C12orf42: variants seen among roughly 807,000 people sequenced by gnomAD.
The protein encoded by C12orf42 is chromosome 12 open reading frame 42, also known as uncharacterized protein C12orf42.
In C12orf42, 25 loss-of-function variants were observed where a neutral mutation model predicts 21.6. The observed-to-expected ratio is 1.16, with a 90% CI of 0.84 to 1.62. The LOEUF is 1.62. C12orf42 is among the 40% of genes most tolerant of loss of function. The pLI is 0.00. For synonymous variants in C12orf42, 174 were observed against 175.0 expected (o/e 0.99, Z 0.05); for missense variants, 483 against 459.3 (o/e 1.05, Z -0.47).
intron 4 of C12orf42, among the ~76,000 whole-genome samples, chr12:103,286,005 G>T (rs563786287): frequency 3.0e-4 from 45 of 152,134 alleles, no homozygotes; most frequent in Admixed American, 8.5e-4. Flanking sequence ...CAGCACTTTG[G>T]GGGGGTGCCA....
the C12orf42 span, among the ~76,000 whole-genome samples, chr12:103,112,718 A>G: frequency 6.6e-6 from 1 of 152,196 alleles, no homozygotes; most frequent in Non-Finnish European, 1.5e-5. Context: ...TGCTAGATGA[A>G]ATACAAACTA....
chr12:103,416,613 T>C (rs1354165916), intron 2 of C12orf42, among the ~76,000 whole-genome samples: 1 of 136,148 alleles, frequency 7.3e-6, no homozygotes, highest in Non-Finnish European at 1.6e-5. Flanking sequence ...CATTTATTAC[T>C]ATATGCAAGA....
At chr12:103,071,934 A>G in the C12orf42 span, among the ~76,000 whole-genome samples, 6 of 152,170 alleles carry the variant, frequency 3.9e-5, no homozygotes, top group African/African-American at 1.2e-4. Flanking sequence ...GTCATGATCC[A>G]TCCCAGCTAC....
chr12:103,554,327 G>A, the C12orf42 span, among the ~76,000 whole-genome samples: 1 of 152,120 alleles, frequency 6.6e-6, no homozygotes, highest in African/African-American at 2.4e-5. Flanking sequence ...GGGAGAAAAG[G>A]GATTATATCC....
chr12:103,217,811 C>T, the C12orf42 span, among the ~76,000 whole-genome samples: 102 of 152,062 alleles, frequency 6.7e-4, no homozygotes, highest in Non-Finnish European at 1.4e-3. Flanking sequence ...TGTAGAGCCC[C>T]CCTTACTCCC....
At chr12:103,062,586 C>T in the C12orf42 span, among the ~76,000 whole-genome samples, 10 of 151,912 alleles carry the variant, frequency 6.6e-5, no homozygotes, top group Admixed American at 2.0e-4. Flanking sequence ...ATTATTTTGC[C>T]GTTATTTCTA....
At chr12:103,208,165 G>A in the C12orf42 span, among the ~76,000 whole-genome samples, 1 of 152,190 alleles carries the variant, frequency 6.6e-6, no homozygotes, top group Non-Finnish European at 1.5e-5. Context: ...TCGACTCCAA[G>A]CTCTGGGTAA....
chr12:103,238,679 T>C (rs945200081), intron 10 of C12orf42, among the ~76,000 whole-genome samples: 32 of 152,170 alleles, frequency 2.1e-4, no homozygotes, highest in African/African-American at 7.5e-4. Context: ...TTGGGAGAGA[T>C]TATGCCCTTG....
At chr12:103,435,069 GCCT>G (rs1157701605) in intron 2 of C12orf42, among the ~76,000 whole-genome samples, 2 of 152,176 alleles carry the variant, frequency 1.3e-5, no homozygotes, top group African/African-American at 4.8e-5. Context: ...CAGGCAGACT[GCCT>G]CCTCAAGTGG....
intron 4 of C12orf42, among the ~76,000 whole-genome samples, chr12:103,288,500 T>C (rs1401267476): frequency 6.6e-6 from 1 of 152,226 alleles, no homozygotes; most frequent in Non-Finnish European, 1.5e-5. Flanking sequence ...GCGTCCTTGT[T>C]TGAAAACTGC....
At chr12:103,309,610 A>G (rs910569297) in intron 4 of C12orf42, among the ~76,000 whole-genome samples, 39 of 151,702 alleles carry the variant, frequency 2.6e-4, no homozygotes, top group African/African-American at 8.5e-4. Context: ...CATTAATACC[A>G]GCTCTTTTCA....
At chr12:103,154,452 C>G in the C12orf42 span, among the ~76,000 whole-genome samples, 1 of 152,136 alleles carries the variant, frequency 6.6e-6, no homozygotes, top group Non-Finnish European at 1.5e-5. Context: ...CTCATCCACA[C>G]TGGATAAGAG....
the C12orf42 span, chr12:103,549,362 C>T: frequency 6.6e-6 from 1 of 152,160 alleles, no homozygotes; most frequent in Non-Finnish European, 1.5e-5. Context: ...ATGGTAGCAT[C>T]TTACATCACT....
At chr12:103,176,136 C>T in the C12orf42 span, among the ~76,000 whole-genome samples, 4 of 152,096 alleles carry the variant, frequency 2.6e-5, no homozygotes, top group East Asian at 1.9e-4. Flanking sequence ...GAATTGCTTA[C>T]CGGCTAATTG....
the C12orf42 span, among the ~76,000 whole-genome samples, chr12:103,152,489 C>G: frequency 6.6e-6 from 1 of 151,742 alleles, no homozygotes; most frequent in South Asian, 2.1e-4. Context: ...TGCAACAAAA[C>G]AAATAAACAA....
At chr12:103,191,948 T>C in the C12orf42 span, among the ~76,000 whole-genome samples, 61 of 152,162 alleles carry the variant, frequency 4.0e-4, no homozygotes, top group African/African-American at 1.2e-3. Context: ...TAGACTGTTA[T>C]AGCAATAAAA....
chr12:103,208,482 C>G, the C12orf42 span, among the ~76,000 whole-genome samples: 1 of 152,136 alleles, frequency 6.6e-6, no homozygotes, highest in South Asian at 2.1e-4. Flanking sequence ...AAACAATTTT[C>G]AGATCGACAA....
intron 2 of C12orf42, among the ~76,000 whole-genome samples, chr12:103,434,382 C>CA (rs1251919643): frequency 1.3e-5 from 2 of 152,132 alleles, no homozygotes; most frequent in Non-Finnish European, 2.9e-5. Flanking sequence ...AAAAGCCTCA[C>CA]AGTGAAGGGG....
chr12:103,258,458 G>A (rs1295669310), intron 10 of C12orf42, among the ~76,000 whole-genome samples: 2 of 151,604 alleles, frequency 1.3e-5, no homozygotes, highest in Non-Finnish European at 2.9e-5. Flanking sequence ...TTATACCAGT[G>A]GTCCAAGCCA....
Sources: allele counts gnomAD v4.1 joint callset (sites outside exome capture counted in the v4.1 genomes callset), GRCh38; gene constraint gnomAD v4.1.1; transcripts MANE v1.5; gene names NCBI Gene and HGNC (gene_info 2026-07-23, HGNC 2026-07-21).